Variants in CCDC171 observed in about 807,000 individuals in gnomAD.
CCDC171 encodes the protein coiled-coil domain-containing protein 171.
Under a neutral mutation model 168.2 loss-of-function variants are expected in CCDC171, and 177 were observed. That is an observed-to-expected ratio of 1.05 (90% CI 0.93 to 1.19). CCDC171 has a LOEUF of 1.19. CCDC171 is among the 50% of genes most tolerant of loss of function. CCDC171 has a pLI of 0.00. For synonymous variants in CCDC171, 687 were observed against 540.8 expected (o/e 1.27, Z -3.75); for missense variants, 1,991 against 1,539.0 (o/e 1.29, Z -4.91).
intron 21 of CCDC171, among the ~76,000 whole-genome samples, chr9:15,800,171 A>C (rs2058751667): frequency 6.6e-6 from 1 of 151,984 alleles, no homozygotes; most frequent in African/African-American, 2.4e-5. Context: ...CTCTGTTTTT[A>C]GTTTTTTGAG....
At chr9:16,063,660 G>A (rs1253679823), downstream of CCDC171, among the ~76,000 whole-genome samples, 2 of 151,116 alleles carry the variant, frequency 1.3e-5, no homozygotes, top group Non-Finnish European at 2.9e-5. Context: ...TATAAGAAGT[G>A]GATCTGCATG....
chr9:15,725,461 C>CT (rs1423718238), intron 14 of CCDC171, among the ~76,000 whole-genome samples: 11 of 151,422 alleles, frequency 7.3e-5, no homozygotes, highest in Non-Finnish European at 4.4e-5. Context: ...TATTTTTTTT[C>CT]TTTTTTGAGA....
intron 21 of CCDC171, among the ~76,000 whole-genome samples, chr9:15,793,906 G>A (rs948230481): frequency 6.6e-5 from 10 of 151,588 alleles, no homozygotes; most frequent in African/African-American, 2.4e-4. Flanking sequence ...ATACTCTCTG[G>A]GGCATAGACA....
At chr9:15,590,118 A>G (rs3122705) in intron 4 of CCDC171, among the ~76,000 whole-genome samples, 8,275 of 152,282 alleles carry the variant, frequency 0.054, 271 homozygotes, top group African/African-American at 0.089. Flanking sequence ...GCAAAGGATC[A>G]GGAGTCAAAA....
At chr9:16,071,427 C>T in the CCDC171 span, among the ~76,000 whole-genome samples, 15 of 152,198 alleles carry the variant, frequency 9.9e-5, no homozygotes, top group African/African-American at 2.7e-4. Flanking sequence ...AGTGTTTGCT[C>T]CTCTCTCCTT....
At chr9:16,051,502 C>T (rs1439669535) in intron 1 of CCDC171, among the ~76,000 whole-genome samples, 1 of 152,164 alleles carries the variant, frequency 6.6e-6, no homozygotes, top group East Asian at 1.9e-4. Context: ...CTTGCCAGCC[C>T]CTCCTTAACC....
chr9:15,583,444 C>T (rs1402982999), intron 4 of CCDC171, among the ~76,000 whole-genome samples: 1 of 149,464 alleles, frequency 6.7e-6, no homozygotes, highest in African/African-American at 2.4e-5. Flanking sequence ...GCTATATATA[C>T]AGCAAGGAAT....
chr9:15,796,625 A>C (rs2058569150), intron 21 of CCDC171, among the ~76,000 whole-genome samples: 1 of 152,234 alleles, frequency 6.6e-6, no homozygotes, highest in Non-Finnish European at 1.5e-5. Flanking sequence ...CAGCAGTCTG[A>C]GCTCCCTGCT....
the CCDC171 span, among the ~76,000 whole-genome samples, chr9:16,079,553 G>C: frequency 7.2e-5 from 11 of 152,296 alleles, no homozygotes; most frequent in East Asian, 1.9e-4. Flanking sequence ...AGAAGCAAAC[G>C]AACAAAGAAC....
chr9:15,721,727 T>C (rs1478346557), intron 11 of CCDC171, 42 bp from the exon 12 acceptor site: 2 of 1,159,366 alleles, frequency 1.7e-6, no homozygotes, highest in Admixed American at 2.6e-5. Context: ...TTTGTCCCTT[T>C]GTGACTTTAA....
chr9:16,021,616 A>C (rs1377021967), intron 4 of CCDC171, among the ~76,000 whole-genome samples: 1 of 152,224 alleles, frequency 6.6e-6, no homozygotes, highest in East Asian at 1.9e-4. Context: ...TACTTGAAAA[A>C]TGGAGGAAAT....
chr9:15,784,466 A>C (rs752757861), intron 20 of CCDC171, 43 bp from the exon 21 acceptor site: 2 of 1,310,908 alleles, frequency 1.5e-6, no homozygotes, highest in Non-Finnish European at 2.2e-6. Flanking sequence ...ACAACAATGC[A>C]GTTAGCTTTA....
intron 15 of CCDC171, among the ~76,000 whole-genome samples, chr9:15,728,961 G>A (rs2053989853): frequency 6.6e-6 from 1 of 152,050 alleles, no homozygotes; most frequent in African/African-American, 2.4e-5. Flanking sequence ...CACAACCATA[G>A]ACACTGAGAA....
chr9:15,633,785 C>T (rs1362978772), intron 7 of CCDC171, among the ~76,000 whole-genome samples: 2 of 152,054 alleles, frequency 1.3e-5, no homozygotes, highest in Non-Finnish European at 2.9e-5. Context: ...AAATGTCCAA[C>T]AATGATAGAC....
chr9:15,942,282 A>G (rs1189154593), intron 25 of CCDC171, among the ~76,000 whole-genome samples: 1 of 152,010 alleles, frequency 6.6e-6, no homozygotes, highest in Admixed American at 6.6e-5. Context: ...ATGTGGATCA[A>G]GTTAAAGTTC....
intron 24 of CCDC171, among the ~76,000 whole-genome samples, chr9:15,902,693 GT>G (rs1376186190): frequency 6.6e-6 from 1 of 152,206 alleles, no homozygotes; most frequent in Non-Finnish European, 1.5e-5. Flanking sequence ...GTGCAGGACA[GT>G]GGGTGCAGCG....
rs75657138 is a variant in CCDC171 at position 15,766,476 on chromosome 9, C to T, written c.2672-11124C>T. ...AAAATTATGATAGGATAGTAAGTTC[C>T]ATATTGCAATAAATTAAGTAGCAGA... On this transcript the variant is annotated intron_variant, in intron 18 of 25. Coordinates refer to ENST00000380701, the MANE Select transcript of CCDC171 (RefSeq NM_173550.4). Among the ~76,000 whole-genome samples, 517 of 151,196 alleles carry T rather than the reference C, an allele frequency of 3.4e-3. 3 individuals carry two copies. The highest frequency in any genetic ancestry group is 0.012 in the African/African-American group (506 of 41,242).
chr9:15,822,561 G>A (rs566218795), intron 21 of CCDC171, among the ~76,000 whole-genome samples: 1 of 152,252 alleles, frequency 6.6e-6, no homozygotes, highest in South Asian at 2.1e-4. Flanking sequence ...AGACATTTAT[G>A]CAGCCAAAAA....
chr9:16,094,540 AG>A, the CCDC171 span, among the ~76,000 whole-genome samples: 77 of 152,270 alleles, frequency 5.1e-4, 1 homozygote, highest in African/African-American at 1.7e-3. Flanking sequence ...GCAAGAGTCA[AG>A]GGTTGTTTAG....
Sources: allele counts gnomAD v4.1 joint callset (sites outside exome capture counted in the v4.1 genomes callset), GRCh38; gene constraint gnomAD v4.1.1; transcripts MANE v1.5; gene names NCBI Gene and HGNC (gene_info 2026-07-23, HGNC 2026-07-21).